Variants in ZCCHC10 observed in about 807,000 individuals in gnomAD.
ZCCHC10 encodes zinc finger CCHC-type containing 10.
In ZCCHC10, 16 loss-of-function variants were observed where a neutral mutation model predicts 19.5. The ratio of observed to expected loss-of-function variants is 0.82; its 90% CI spans 0.56 to 1.25. ZCCHC10 has a LOEUF of 1.25. Ranked by LOEUF, ZCCHC10 falls within the 50% of genes most tolerant of loss-of-function variation. The probability of loss-of-function intolerance (pLI) is 0.00; values close to 1 mark genes in which losing one functional copy is unlikely to be tolerated. For synonymous variants in ZCCHC10, 67 were observed against 72.5 expected (o/e 0.92, Z 0.38); for missense variants, 197 against 201.0 (o/e 0.98, Z 0.12).
chr5:133,020,589 G>A (rs931606225), intron 2 of ZCCHC10, among the ~76,000 whole-genome samples: 3 of 145,392 alleles, frequency 2.1e-5, no homozygotes, highest in South Asian at 2.2e-4. Context: ...ACAACTACAC[G>A]CTAGCCTGTC....
intron 3 of ZCCHC10, among the ~76,000 whole-genome samples, chr5:133,001,822 C>T (rs1762791831): frequency 6.6e-6 from 1 of 151,942 alleles, no homozygotes; most frequent in Non-Finnish European, 1.5e-5. Context: ...TTTCCTGAGT[C>T]TCCAAACATA....
chr5:133,011,471 A>C (rs1263395752), intron 2 of ZCCHC10: 1 of 151,762 alleles, frequency 6.6e-6, no homozygotes, highest in African/African-American at 2.4e-5. Context: ...AAAAATACAA[A>C]AAAATTTAGC....
chr5:133,021,871 G>A (rs939575795), intron 2 of ZCCHC10, among the ~76,000 whole-genome samples: 4 of 150,926 alleles, frequency 2.7e-5, no homozygotes, highest in African/African-American at 7.3e-5. Flanking sequence ...TCGGCTCACT[G>A]CAACCTCCGC....
Position 133,022,891 on chromosome 5 carries a change from C to T in ZCCHC10, c.57G>A (p.Leu19=). The part of the protein sequence containing the change: ...IARRQAFDTE[L]QPVKTFWILI... ...GGATCCAAAAGGTCTTGACAGGCTG[C>T]AACTCTGTGTCGAATCTAACAAGAT... The change falls in exon 2 of 5, where the codon TTG becomes TTA. Residue 19 remains leucine (L), a synonymous_variant. Transcript: ENST00000509437. 1 of 606,866 alleles carries T rather than the reference C, an allele frequency of 1.6e-6. No individual in the cohort carries two copies. 37.6% of individuals were successfully genotyped at this position (606,866 alleles called of 1,614,324 possible).
intron 2 of ZCCHC10, among the ~76,000 whole-genome samples, chr5:133,019,725 CG>C (rs1764170499): frequency 6.6e-6 from 1 of 151,414 alleles, no homozygotes; most frequent in African/African-American, 2.4e-5. Flanking sequence ...GAGGCGAAGG[CG>C]GGTGGATCAC....
intron 2 of ZCCHC10, among the ~76,000 whole-genome samples, chr5:133,015,346 T>C (rs534865253): frequency 1.1e-4 from 17 of 152,222 alleles, no homozygotes; most frequent in African/African-American, 4.1e-4. Flanking sequence ...CCCAAAGTGC[T>C]GGGATTACAG....
chr5:133,018,864 TTTTC>T (rs1764102416), intron 2 of ZCCHC10, among the ~76,000 whole-genome samples: 1 of 152,180 alleles, frequency 6.6e-6, no homozygotes, highest in Non-Finnish European at 1.5e-5. Flanking sequence ...AGTAATCGTC[TTTTC>T]TTTCTGTCCA....
intron 2 of ZCCHC10, among the ~76,000 whole-genome samples, chr5:133,021,949 A>G (rs1764341628): frequency 6.6e-6 from 1 of 151,914 alleles, no homozygotes; most frequent in African/African-American, 2.4e-5. Flanking sequence ...GCCCGCCACG[A>G]CACCTGGCTA....
intron 2 of ZCCHC10, among the ~76,000 whole-genome samples, chr5:133,017,333 G>T (rs984151321): frequency 1.3e-5 from 2 of 152,002 alleles, no homozygotes; most frequent in South Asian, 4.2e-4. Context: ...TGTTCAGGAA[G>T]GGAAGAGGAA....
At chr5:133,005,462 A>G (rs531510671) in intron 3 of ZCCHC10, among the ~76,000 whole-genome samples, 37 of 151,922 alleles carry the variant, frequency 2.4e-4, no homozygotes, top group Non-Finnish European at 4.3e-4. Context: ...AAAATACAAA[A>G]AATTAGCCAG....
intron 2 of ZCCHC10, among the ~76,000 whole-genome samples, chr5:133,013,261 GAA>G (rs1184937706): frequency 3.3e-4 from 29 of 88,774 alleles, no homozygotes; most frequent in African/African-American, 8.3e-4. Flanking sequence ...CCATCTCCAA[GAA>G]AAAAAAAAAA....
At position 133,000,626 on chromosome 5, in the gene ZCCHC10, T is replaced by C. The variant is rs78361728; in HGVS notation, c.270-453A>G. 5.7e-3 allele frequency among the ~76,000 whole-genome samples: 869 copies of C among 151,334 alleles called. 11 individuals carry two copies. The highest frequency in any genetic ancestry group is 0.02 in the African/African-American group (817 of 41,120). ...AATTTAAAATAACTATTTCTTTTTC[T>C]GCATGTCCCGTTATTTACTTTTTTT... On this transcript the variant is annotated intron_variant, in intron 3 of 4. Coordinates refer to ENST00000509437, the MANE Select transcript of ZCCHC10 (RefSeq NM_001300816.3).
chr5:133,023,331 A>T (rs968291559), intron 1 of ZCCHC10, among the ~76,000 whole-genome samples: 1 of 152,152 alleles, frequency 6.6e-6, no homozygotes, highest in African/African-American at 2.4e-5. Context: ...TTACAAGGTA[A>T]AAATAATTAA....
chr5:133,018,626 T>G (rs1216257845), intron 2 of ZCCHC10, among the ~76,000 whole-genome samples: 1 of 152,198 alleles, frequency 6.6e-6, no homozygotes, highest in Non-Finnish European at 1.5e-5. Flanking sequence ...CTTGAACTCC[T>G]GACCTCAGGT....
At chr5:133,020,475 T>C (rs1764229146) in intron 2 of ZCCHC10, among the ~76,000 whole-genome samples, 1 of 151,542 alleles carries the variant, frequency 6.6e-6, no homozygotes, top group African/African-American at 2.4e-5. Flanking sequence ...TAAAATAAAA[T>C]TGCTGAATGT....
At chr5:133,007,943 C>T (rs75366396) in intron 2 of ZCCHC10, among the ~76,000 whole-genome samples, 5,935 of 152,072 alleles carry the variant, frequency 0.039, 406 homozygotes, top group East Asian at 0.29. Context: ...ATCGGAAAAT[C>T]AGCCAGGTGT....
rs561155704 is a variant in ZCCHC10 at position 133,014,193 on chromosome 5, C to CTTG, written c.108-7276_108-7274dup. ...TTTTTTTTTGAGACGGAGTTTTGCT[C>CTTG]TTGTTGCCCAGGCTGGAGTGCAATG... On this transcript the variant is annotated intron_variant, in intron 2 of 4. Coordinates refer to ENST00000509437, the MANE Select transcript of ZCCHC10 (RefSeq NM_001300816.3). Among the ~76,000 whole-genome samples, 329 of 110,438 alleles carry CTTG rather than the reference C, an allele frequency of 3.0e-3. 3 individuals are homozygous for CTTG. Among genetic ancestry groups the CTTG allele is most frequent in the African/African-American group, 0.011 (322 of 28,020 alleles). 72.5% of individuals were successfully genotyped at this position (110,438 alleles called of 152,430 possible).
intron 2 of ZCCHC10, among the ~76,000 whole-genome samples, chr5:133,013,263 A>G (rs1763692280): frequency 6.8e-6 from 1 of 146,350 alleles, no homozygotes; most frequent in Non-Finnish European, 1.5e-5. Context: ...ATCTCCAAGA[A>G]AAAAAAAAAA....
intron 3 of ZCCHC10, among the ~76,000 whole-genome samples, chr5:133,002,963 A>C (rs1326307554): frequency 6.6e-6 from 1 of 151,982 alleles, no homozygotes; most frequent in Non-Finnish European, 1.5e-5. Context: ...CAGGCGATCC[A>C]CCCACTTCGG....
Sources: allele counts gnomAD v4.1 joint callset (sites outside exome capture counted in the v4.1 genomes callset), GRCh38; gene constraint gnomAD v4.1.1; transcripts MANE v1.5; gene names NCBI Gene and HGNC (gene_info 2026-07-23, HGNC 2026-07-21).